STRA6: variants seen among roughly 807,000 people sequenced by gnomAD.
The protein encoded by STRA6 is signaling receptor and transporter of retinol STRA6, also known as receptor for retinol uptake STRA6.
Under a neutral mutation model 83.6 loss-of-function variants are expected in STRA6, and 48 were observed. The observed-to-expected ratio is 0.57, with a 90% CI of 0.46 to 0.73. STRA6 has a LOEUF of 0.73. Ranked by LOEUF, STRA6 falls within the 30% of genes least tolerant of loss-of-function variation. STRA6 has a pLI of 0.00. For missense variants in STRA6, 760 were observed against 838.8 expected, an observed-to-expected ratio of 0.91 and a Z score of 1.16; for synonymous variants, 353 against 362.3, an observed-to-expected ratio of 0.97 and a Z score of 0.29.
chr15:74,211,892 CTG>C (rs2074372256), upstream of STRA6, among the ~76,000 whole-genome samples: 1 of 151,828 alleles, frequency 6.6e-6, no homozygotes, highest in Non-Finnish European at 1.5e-5. Context: ...CTGTCTAACT[CTG>C]TGTTTTCTCT....
upstream of STRA6, among the ~76,000 whole-genome samples, chr15:74,210,886 C>T (rs1245273909): frequency 6.6e-6 from 1 of 152,182 alleles, no homozygotes; most frequent in Non-Finnish European, 1.5e-5. Context: ...GGGTGAAAAA[C>T]AGTTGTGATA....
chr15:74,195,935 A>G, intron 5 of STRA6, 73 bp downstream of exon 5: 2 of 1,599,668 alleles, frequency 1.3e-6, no homozygotes, highest in Non-Finnish European at 1.7e-6. Flanking sequence ...CCTTGAGCCA[A>G]GCTTAAAACT....
chr15:74,185,265 G>C (rs1010568907), intron 12 of STRA6, among the ~76,000 whole-genome samples: 2 of 152,224 alleles, frequency 1.3e-5, no homozygotes, highest in Non-Finnish European at 2.9e-5. Flanking sequence ...GACATACAGT[G>C]GTCAAGAGAT....
intron 17 of STRA6, 79 bp downstream of exon 17, chr15:74,181,216 C>T (rs994411503): frequency 2.9e-5 from 46 of 1,578,358 alleles, no homozygotes; most frequent in South Asian, 8.0e-5. Flanking sequence ...TCAGCTGGCA[C>T]GGCCCTGGGG....
Position 74,180,172 on chromosome 15 carries a change from G to A in STRA6, c.1912C>T (p.Arg638Cys), listed in dbSNP as rs775200791. 3.7e-6 allele frequency: 6 copies of A among 1,613,856 alleles called. No homozygotes were observed. The highest frequency in any genetic ancestry group is 5.1e-6 in the Non-Finnish European group (6 of 1,180,006). The change falls in exon 19 of 19, where the codon CGC becomes TGC. Residue 638 changes from arginine to cysteine, a missense_variant. By Grantham distance (180) the Arg-to-Cys change is radical. Coordinates refer to ENST00000395105, the MANE Select transcript of STRA6 (RefSeq NM_022369.4). The part of the protein sequence containing the change: ...ARPGASRGRA[R>C]WGLAYTLLHN... Reference sequence around the variant, plus strand: ...AGCAGCGTGTAGGCCAGACCCCAGCGAGCCCTGCCGCGGCTGGCCCCGGGC... The same window carrying A: ...AGCAGCGTGTAGGCCAGACCCCAGCAAGCCCTGCCGCGGCTGGCCCCGGGC...
chr15:74,194,710 G>A, intron 7 of STRA6: 1 of 1,171,332 alleles, frequency 8.5e-7, no homozygotes, highest in Non-Finnish European at 1.1e-6. Context: ...CTGGTACAAA[G>A]TATGTGCTTC....
In STRA6 at chr15:74,179,868, A is replaced by C; in HGVS notation, c.*212T>G. 1.6e-6 allele frequency: 1 copy of C among 626,026 alleles called. No individual in the cohort carries two copies. Among genetic ancestry groups the C allele is most frequent in the Non-Finnish European group, 2.7e-6 (1 of 371,246 alleles). 38.8% of individuals were successfully genotyped at this position (626,026 alleles called of 1,614,324 possible). A position where few individuals can be genotyped will look rare whatever the true frequency, so the allele number is the denominator to read the frequency against. On this transcript the variant is annotated 3_prime_UTR_variant, in exon 19 of 19. Transcript: ENST00000395105. Reference sequence around the variant, plus strand: ...CTAACCCACCAGTTTCTTTCTCCAGAACCCCTGCTGGCTCTCCCATAGCCA... The same window carrying C: ...CTAACCCACCAGTTTCTTTCTCCAGCACCCCTGCTGGCTCTCCCATAGCCA...
chr15:74,199,602 C>T (rs575517121), intron 2 of STRA6, among the ~76,000 whole-genome samples: 81 of 152,340 alleles, frequency 5.3e-4, no homozygotes, highest in Non-Finnish European at 1.1e-3. Context: ...TACCCCAAAC[C>T]ACCCCTACCC....
chr15:74,206,144 C>T (rs1344116257), upstream of STRA6, among the ~76,000 whole-genome samples: 1 of 152,198 alleles, frequency 6.6e-6, no homozygotes, highest in Non-Finnish European at 1.5e-5. Flanking sequence ...ACACCAGTAA[C>T]CAGTTGTAAC....
rs1254245058 is a variant in STRA6, at chr15:74,195,439, A to C, written c.460T>G (p.Tyr154Asp). Residue 154 changes from tyrosine (Y) to aspartate (D), a missense_variant, in exon 7 of 19, where the codon TAT becomes GAT. Physicochemically the swap from Tyr to Asp is radical, Grantham distance 160. Coordinates refer to ENST00000395105, the MANE Select transcript of STRA6 (RefSeq NM_022369.4). The part of the protein sequence containing the change: ...GAWKILGLFY[Y>D]AALYYPLAAC... ...GCCAGAGGGTAGTAGAGGGCAGCAT[A>C]ATAGAACAGTCCCAGTATCTTCCAG... 6.2e-7 allele frequency: 1 copy of C among 1,613,560 alleles called. No individual in the cohort carries two copies. The highest frequency in any genetic ancestry group is 8.5e-7 in the Non-Finnish European group (1 of 1,179,984).
Position 74,181,335 on chromosome 15 carries a change from G to A in STRA6, c.1644C>T (p.Asp548=), listed in dbSNP as rs761346851. 2 of 1,610,370 alleles carry A rather than the reference G, an allele frequency of 1.2e-6. No individual in the cohort carries two copies. Among genetic ancestry groups the A allele is most frequent in the Admixed American group, 1.7e-5 (1 of 59,776 alleles). ...CGGCTCTCGGTGGCAGCAGGCTGAGGTCCATCTGGCCAAGGTGGATGGCGT... is the reference window on the plus strand; with the variant it reads ...CGGCTCTCGGTGGCAGCAGGCTGAGATCCATCTGGCCAAGGTGGATGGCGT... ...LYNAIHLGQM[D]LSLLPPRAAT... The change falls in exon 17 of 19, where the codon GAC becomes GAT. Residue 548 remains aspartate, a synonymous_variant. Transcript: ENST00000395105.
chr15:74,182,688 AGG>A, intron 14 of STRA6: 2 of 558,954 alleles, frequency 3.6e-6, no homozygotes, highest in South Asian at 4.1e-5. Flanking sequence ...GGCTGTTGTA[AGG>A]ATCCAATGAG....
At chr15:74,198,664 T>C (rs535872805) in intron 2 of STRA6, among the ~76,000 whole-genome samples, 28 of 152,284 alleles carry the variant, frequency 1.8e-4, no homozygotes, top group Non-Finnish European at 3.5e-4. Context: ...AGAGCCTCCA[T>C]GGACAGCCAT....
chr15:74,182,081 G>A, intron 16 of STRA6, 80 bp downstream of exon 16: 1 of 1,215,464 alleles, frequency 8.2e-7, no homozygotes, highest in Non-Finnish European at 1.2e-6. Flanking sequence ...AGATGGCAGT[G>A]GAGGGAGGAC....
chr15:74,191,169 GGCTGTGGAGTGTAGAT>G lies in STRA6; in HGVS notation c.847_862del (p.Ile283GlnfsTer7). The G allele has an allele frequency of 6.2e-7, 1 of 1,614,038 alleles. No homozygotes were observed. Among genetic ancestry groups the G allele is most frequent in the Non-Finnish European group, 8.5e-7 (1 of 1,179,992 alleles). ...GGCCTCAGCTCCCAACCCCATACCT[GGCTGTGGAGTGTAGAT>G]GCAGTGTCTCAAGCAGACGCGGGCC... On this transcript the variant is annotated frameshift_variant, in exon 10 of 19. Transcript: ENST00000395105. LOFTEE classifies it high-confidence loss of function.
At chr15:74,190,180 CATCT>C (rs1482580620) in intron 11 of STRA6, among the ~76,000 whole-genome samples, 1 of 152,182 alleles carries the variant, frequency 6.6e-6, no homozygotes, top group Non-Finnish European at 1.5e-5. Flanking sequence ...ATTTACCCAT[CATCT>C]ATCTATCTAA....
chr15:74,192,378 G>T (rs1273198736), intron 8 of STRA6, among the ~76,000 whole-genome samples: 2 of 152,172 alleles, frequency 1.3e-5, no homozygotes, highest in Admixed American at 6.5e-5. Flanking sequence ...ATAGGCAGGA[G>T]CTACAAGCGC....
At chr15:74,197,132 C>A (rs893571401) in intron 4 of STRA6, among the ~76,000 whole-genome samples, 4 of 152,138 alleles carry the variant, frequency 2.6e-5, no homozygotes, top group Non-Finnish European at 5.9e-5. Flanking sequence ...CCCAGGCGGG[C>A]TTGAGCGAGT....
chr15:74,194,724 T>G, intron 7 of STRA6: 1 of 1,211,960 alleles, frequency 8.3e-7, no homozygotes, highest in Non-Finnish European at 1.0e-6. Context: ...GTGCTTCAAA[T>G]ATGTTGTTGA....
Sources: gnomAD v4.1 joint callset for allele counts (sites outside exome capture counted in the v4.1 genomes callset) on GRCh38, gnomAD v4.1.1 for gene constraint, MANE v1.5 for transcripts, NCBI Gene and HGNC (gene_info 2026-07-23, HGNC 2026-07-21) for gene names.